RAB30: variants seen among roughly 807,000 people sequenced by gnomAD.
RAB30 encodes the protein ras-related protein Rab-30.
A neutral mutation model predicts 25.1 loss-of-function variants in RAB30; 9 were observed. The observed-to-expected ratio is 0.36, with a 90% CI of 0.22 to 0.63. RAB30 has a LOEUF of 0.63. Ranked by LOEUF, RAB30 falls within the 20% of genes least tolerant of loss-of-function variation. RAB30 has a pLI of 0.69. For missense variants in RAB30, 140 were observed against 243.5 expected, an observed-to-expected ratio of 0.58 and a Z score of 2.83; for synonymous variants, 77 against 86.4, an observed-to-expected ratio of 0.89 and a Z score of 0.60.
chr11:83,034,477 A>C (rs1279370022), intron 1 of RAB30: 1 of 152,246 alleles, frequency 6.6e-6, no homozygotes, highest in Admixed American at 6.5e-5. Flanking sequence ...ATTTAGGTTA[A>C]AGGTGAGGCA....
chr11:83,012,822 G>T (rs879232995), intron 1 of RAB30, among the ~76,000 whole-genome samples: 1 of 152,152 alleles, frequency 6.6e-6, no homozygotes, highest in Admixed American at 6.5e-5. Context: ...TTCAGGCTTT[G>T]CTTCTCATGA....
chr11:83,063,740 CA>C (rs1219224765), intron 1 of RAB30, among the ~76,000 whole-genome samples: 2 of 152,304 alleles, frequency 1.3e-5, no homozygotes, highest in South Asian at 2.1e-4. Flanking sequence ...GAATTTAAAT[CA>C]GGGGGCAATG....
chr11:83,069,712 C>T (rs1858788915), intron 1 of RAB30, among the ~76,000 whole-genome samples: 1 of 152,160 alleles, frequency 6.6e-6, no homozygotes, highest in African/African-American at 2.4e-5. Flanking sequence ...TCATGTAGAG[C>T]ATTTAAAAAC....
At chr11:83,000,778 G>C (rs908256505) in intron 1 of RAB30, among the ~76,000 whole-genome samples, 6 of 152,112 alleles carry the variant, frequency 3.9e-5, no homozygotes, top group African/African-American at 7.2e-5. Context: ...TGTCGGCCGG[G>C]CGCGGTGGCT....
rs560090304 is a variant in RAB30, at chr11:82,991,207, A to G, written c.177+2832T>C. 5.3e-5 allele frequency among the ~76,000 whole-genome samples: 8 copies of G among 152,368 alleles called. No individual in the cohort carries two copies. The South Asian group carries it at 1.7e-3, about 32-fold the overall frequency. Reference sequence around the variant, plus strand: ...GAGAAAAGATACTCAGTAAATGTTAAAGAAGAAGGATGACAGGCTGGATGT... The same window carrying G: ...GAGAAAAGATACTCAGTAAATGTTAGAGAAGAAGGATGACAGGCTGGATGT... On this transcript the variant is annotated intron_variant, in intron 3 of 4. Transcript: ENST00000527633.
intron 3 of RAB30, among the ~76,000 whole-genome samples, chr11:82,990,170 T>C (rs528698926): frequency 6.6e-6 from 1 of 152,332 alleles, no homozygotes; most frequent in South Asian, 2.1e-4. Flanking sequence ...TTGTCTACTC[T>C]CTTCTCTGCA....
chr11:83,063,002 CAAA>C (rs34529308), intron 1 of RAB30, among the ~76,000 whole-genome samples: 4 of 101,780 alleles, frequency 3.9e-5, no homozygotes, highest in Admixed American at 1.1e-4. Context: ...GACTCCGTCT[CAAA>C]AAAAAAAAAA....
intron 1 of RAB30, among the ~76,000 whole-genome samples, chr11:83,023,732 T>C (rs962524790): frequency 7.4e-4 from 113 of 152,184 alleles, no homozygotes; most frequent in African/African-American, 2.7e-3. Context: ...CTGTTTATAA[T>C]ATCCTCTCAA....
chr11:82,996,698 C>A (rs897530804), intron 2 of RAB30, among the ~76,000 whole-genome samples: 3 of 152,312 alleles, frequency 2.0e-5, no homozygotes, highest in Non-Finnish European at 4.4e-5. Context: ...TCAGATAATT[C>A]TTCACTATTT....
rs546807876 is a variant in RAB30 at position 83,028,485 on chromosome 11, C to T, written c.-8-31161G>A. ...TGCCAGGTTGAAAGGGCCCAGCACA[C>T]GAAGCACACTGTGAAACTTCAGAAA... On this transcript the variant is annotated intron_variant, in intron 1 of 4. Coordinates refer to ENST00000527633, the MANE Select transcript of RAB30 (RefSeq NM_001286060.2). 1.0e-3 allele frequency among the ~76,000 whole-genome samples: 158 copies of T among 151,976 alleles called. 1 individual carries two copies. Among genetic ancestry groups the T allele is most frequent in the South Asian group, 6.5e-3 (31 of 4,806 alleles).
Position 82,978,487 on chromosome 11 carries a change from T to C in RAB30, c.*3678A>G, listed in dbSNP as rs1323365638. 8.1e-6 allele frequency: 1 copy of C among 123,276 alleles called. No homozygotes were observed. The highest frequency in any genetic ancestry group is 2.9e-5 in the African/African-American group (1 of 34,954). 7.6% of individuals were successfully genotyped at this position (123,276 alleles called of 1,614,324 possible). A position where few individuals can be genotyped will look rare whatever the true frequency, so the allele number is the denominator to read the frequency against. Reference sequence around the variant, plus strand: ...TTAGTGGAGAAGGCCATTGGTTTGATATGCAAAAAAAAAAAAAAAGATTTT... The same window carrying C: ...TTAGTGGAGAAGGCCATTGGTTTGACATGCAAAAAAAAAAAAAAAGATTTT... On this transcript the variant is annotated 3_prime_UTR_variant, in exon 5 of 5. Coordinates refer to ENST00000527633, the MANE Select transcript of RAB30 (RefSeq NM_001286060.2).
chr11:83,020,226 G>A (rs576957697), intron 1 of RAB30, among the ~76,000 whole-genome samples: 1 of 152,372 alleles, frequency 6.6e-6, no homozygotes, highest in East Asian at 1.9e-4. Flanking sequence ...TACTCTTGGG[G>A]GTCCAGGAAG....
intron 1 of RAB30, 73 bp from the exon 2 acceptor site, chr11:82,997,397 C>T: frequency 9.2e-7 from 1 of 1,081,092 alleles, no homozygotes; most frequent in Non-Finnish European, 1.4e-6. Context: ...CTGCACCAGC[C>T]TTCTCTCCGG....
chr11:83,008,020 C>G (rs1364104373), intron 1 of RAB30, among the ~76,000 whole-genome samples: 1 of 152,222 alleles, frequency 6.6e-6, no homozygotes, highest in Non-Finnish European at 1.5e-5. Flanking sequence ...ATTGCCTTCC[C>G]CCTTGTATTC....
intron 1 of RAB30, among the ~76,000 whole-genome samples, chr11:83,037,943 A>G (rs1858022317): frequency 1.3e-5 from 2 of 152,184 alleles, no homozygotes; most frequent in South Asian, 4.1e-4. Context: ...CAGACAGGAA[A>G]GGAATTCAGT....
intron 2 of RAB30, among the ~76,000 whole-genome samples, chr11:82,994,897 C>T (rs989067272): frequency 6.6e-6 from 1 of 152,196 alleles, no homozygotes; most frequent in African/African-American, 2.4e-5. Context: ...ACAAACCACT[C>T]ACCCTCTCTG....
At chr11:83,069,789 T>A (rs1192920003) in intron 1 of RAB30, among the ~76,000 whole-genome samples, 1 of 152,186 alleles carries the variant, frequency 6.6e-6, no homozygotes, top group African/African-American at 2.4e-5. Flanking sequence ...AGCATTTCAT[T>A]GTTCACATGC....
chr11:83,057,908 T>A (rs1266248011), intron 1 of RAB30, among the ~76,000 whole-genome samples: 1 of 152,200 alleles, frequency 6.6e-6, no homozygotes, highest in Non-Finnish European at 1.5e-5. Flanking sequence ...GGCTAAGAGC[T>A]ACTGTCGGCT....
chr11:82,987,787 T>TA lies in RAB30; in HGVS notation c.178-18dup, dbSNP rs755993564. ...GATCTGTAGCTGTAAAGGCATAAGA[T>TA]AAGAATCAGGTGAAGAAGGATCAGG... On this transcript the variant is annotated splice_polypyrimidine_tract_variant and intron_variant, in intron 3 of 4. Transcript: ENST00000527633. The TA allele has an allele frequency of 2.0e-5, 31 of 1,549,892 alleles. No individual in the cohort carries two copies. Among genetic ancestry groups the TA allele is most frequent in the Middle Eastern group, 3.4e-4 (2 of 5,852 alleles).
Sources: allele counts gnomAD v4.1 joint callset (sites outside exome capture counted in the v4.1 genomes callset), GRCh38; gene constraint gnomAD v4.1.1; transcripts MANE v1.5; gene names NCBI Gene and HGNC (gene_info 2026-07-23, HGNC 2026-07-21).